Variants in GALP observed in about 807,000 individuals in gnomAD.
GALP encodes galanin-like peptide.
GALP carries 12 observed loss-of-function variants against 15.2 expected under a neutral mutation model. The observed-to-expected ratio is 0.79, with a 90% CI of 0.51 to 1.28. The LOEUF (loss-of-function observed/expected upper bound fraction) is 1.28, where lower values mean the gene tolerates loss of function less well. Ranked by LOEUF, GALP falls within the 50% of genes most tolerant of loss-of-function variation. The pLI is 0.00. For missense variants in GALP, 161 were observed against 145.6 expected (o/e 1.11, Z -0.55); for synonymous variants, 58 against 55.1 (o/e 1.05, Z -0.23).
At chr19:56,184,976 G>A (rs1018002460) in intron 5 of GALP, among the ~76,000 whole-genome samples, 2 of 152,132 alleles carry the variant, frequency 1.3e-5, no homozygotes, top group African/African-American at 4.8e-5. Context: ...TAAAATGTGG[G>A]CGGAAAGGGA....
At chr19:56,181,150 A>G (rs2032560830) in intron 3 of GALP, among the ~76,000 whole-genome samples, 2 of 150,006 alleles carry the variant, frequency 1.3e-5, no homozygotes, top group South Asian at 4.2e-4. Flanking sequence ...CTGGTCTCGA[A>G]CTCCTGACCT....
chr19:56,178,472 C>CA (rs1405309143), intron 2 of GALP, among the ~76,000 whole-genome samples: 1 of 80,246 alleles, frequency 1.2e-5, no homozygotes, highest in East Asian at 3.3e-4. Flanking sequence ...CAAACAAAAA[C>CA]AAAAACAAGA....
chr19:56,179,304 CTT>C lies in GALP; in HGVS notation c.88-1280_88-1279del, dbSNP rs1290883613. Among the ~76,000 whole-genome samples, 4 of 127,256 alleles carry C rather than the reference CTT, an allele frequency of 3.1e-5. No homozygotes were observed. The East Asian group carries it at 7.9e-4, about 25-fold the overall frequency. The allele number at this position is 127,256 out of a possible 152,430, so 83.5% of individuals were successfully genotyped here. On this transcript the variant is annotated intron_variant, in intron 2 of 5. Coordinates refer to ENST00000357330, the MANE Select transcript of GALP (RefSeq NM_033106.4). ...GAATCTTTCTGGGCCTCAAGAGCCTCTTTCTTTCTTTTTTTTTTTTTGAGACG... is the reference window on the plus strand; with the variant it reads ...GAATCTTTCTGGGCCTCAAGAGCCTCTCTTTCTTTTTTTTTTTTTGAGACG...
At chr19:56,178,964 C>T (rs958120566) in intron 2 of GALP, among the ~76,000 whole-genome samples, 1 of 152,180 alleles carries the variant, frequency 6.6e-6, no homozygotes, top group East Asian at 1.9e-4. Context: ...CACCTGAGGT[C>T]AGGAGTTTGA....
chr19:56,176,093 C>T (rs34947076), intron 1 of GALP, 31 bp downstream of exon 1: 19,903 of 144,254 alleles, frequency 0.14, 1,240 homozygotes, highest in Non-Finnish European at 0.15. Flanking sequence ...GGCAGAGGGG[C>T]GGATCCCAGC....
At position 56,182,021 on chromosome 19, in the gene GALP, C is replaced by T. The variant is rs563707497; in HGVS notation, c.137-151C>T. The T allele has an allele frequency of 5.4e-4, 343 of 629,682 alleles. 9 individuals are homozygous for T. In the South Asian group the frequency reaches 6.2e-3, roughly 11 times the overall value. The allele number at this position is 629,682 out of a possible 1,614,324, so 39.0% of individuals were successfully genotyped here. On this transcript the variant is annotated intron_variant, in intron 3 of 5. Transcript: ENST00000357330. ...GCTTGCAGCTGCACGATTTCCCCAC[C>T]GGTAGGTAGGGACGGTCAACACGCA...
At chr19:56,180,187 A>AATCC (rs2032539085) in intron 2 of GALP, among the ~76,000 whole-genome samples, 1 of 152,232 alleles carries the variant, frequency 6.6e-6, no homozygotes, top group Non-Finnish European at 1.5e-5. Flanking sequence ...TGCTGGGATT[A>AATCC]CAGCATGAGC....
chr19:56,176,955 C>CATTA, intron 1 of GALP, 115 bp from the exon 2 acceptor site: 1 of 590,982 alleles, frequency 1.7e-6, no homozygotes, highest in Non-Finnish European at 3.0e-6. Context: ...TAAATGTGCG[C>CATTA]CATTTTTGTA....
At chr19:56,179,777 T>C (rs946307850) in intron 2 of GALP, among the ~76,000 whole-genome samples, 3 of 151,668 alleles carry the variant, frequency 2.0e-5, no homozygotes, top group Non-Finnish European at 1.5e-5. Flanking sequence ...TGCGCCACCA[T>C]GCCTGGCTAA....
At chr19:56,177,339 T>A (rs559060541) in intron 2 of GALP, 144 bp downstream of exon 2, 15 of 698,662 alleles carry the variant, frequency 2.1e-5, no homozygotes, top group Non-Finnish European at 3.7e-5. Context: ...AAATATTGCG[T>A]GTCTCTACTA....
Position 56,176,055 on chromosome 19 carries a change from G to A in GALP, c.-47G>A. On this transcript the variant is annotated 5_prime_UTR_variant, in exon 1 of 6. Coordinates refer to ENST00000357330, the MANE Select transcript of GALP (RefSeq NM_033106.4). ...AGAGAGCTGCGGAGAGCTGCCAGCT[G>A]CAGCGGGGTGAGAGCCTAGGCCAGG... is the stretch of plus-strand genomic sequence containing the variant. 1 of 176,598 alleles carries A rather than the reference G, an allele frequency of 5.7e-6. No individual in the cohort carries two copies. The highest frequency in any genetic ancestry group is 1.2e-5 in the Non-Finnish European group (1 of 83,472). The allele number at this position is 176,598 out of a possible 1,614,324, so 10.9% of individuals were successfully genotyped here.
intron 1 of GALP, 134 bp downstream of exon 1, chr19:56,176,196 A>C (rs35134141): frequency 6.2e-4 from 84 of 135,678 alleles, no homozygotes; most frequent in African/African-American, 1.4e-3. Context: ...AGAGGGGCGG[A>C]TGCCAGCTGC....
At chr19:56,181,327 T>C (rs1399032253) in intron 3 of GALP, among the ~76,000 whole-genome samples, 1 of 150,578 alleles carries the variant, frequency 6.6e-6, no homozygotes, top group African/African-American at 2.4e-5. Flanking sequence ...GAGTTATTAA[T>C]AGAACAATAG....
chr19:56,180,673 A>C, intron 3 of GALP, 39 bp downstream of exon 3: 2 of 1,578,028 alleles, frequency 1.3e-6, no homozygotes, highest in South Asian at 2.2e-5. Context: ...CCCTGGCCCG[A>C]GTCTGCCTGG....
chr19:56,176,185 C>T (rs569693567), intron 1 of GALP, 123 bp downstream of exon 1: 33 of 163,644 alleles, frequency 2.0e-4, no homozygotes, highest in African/African-American at 7.7e-4. Flanking sequence ...GCCAGGAGGG[C>T]AGAGGGGCGG....
rs188946112 is a variant in GALP, at chr19:56,177,443, G to A, written c.87+248G>A. 1.7e-3 allele frequency among the ~76,000 whole-genome samples: 256 copies of A among 151,310 alleles called. 1 individual carries two copies. Among genetic ancestry groups the A allele is most frequent in the African/African-American group, 5.8e-3 (239 of 41,146 alleles). ...GGAGAATCGCTTGAACCTGGCAGGC[G>A]GAGGTTGCAGCGAGCCGAGATTGTG... On this transcript the variant is annotated intron_variant, in intron 2 of 5. Coordinates refer to ENST00000357330, the MANE Select transcript of GALP (RefSeq NM_033106.4).
chr19:56,176,176 C>T (rs549897001), intron 1 of GALP, 114 bp downstream of exon 1: 1 of 167,990 alleles, frequency 6.0e-6, no homozygotes, highest in African/African-American at 2.5e-5. Context: ...AGAGCCTAGG[C>T]CAGGAGGGCA....
chr19:56,176,851 T>C (rs983492638), intron 1 of GALP, among the ~76,000 whole-genome samples: 3 of 129,604 alleles, frequency 2.3e-5, no homozygotes, highest in Non-Finnish European at 1.6e-5. Flanking sequence ...GCAGAAGGCA[T>C]GGGCGCTGGG....
chr19:56,183,125 T>C lies in GALP; in HGVS notation c.218-10T>C. The C allele has an allele frequency of 6.3e-7, 1 of 1,597,944 alleles. No homozygotes were observed. Among genetic ancestry groups the C allele is most frequent in the Non-Finnish European group, 8.6e-7 (1 of 1,165,332 alleles). On this transcript the variant is annotated splice_polypyrimidine_tract_variant and intron_variant, in intron 4 of 5. Transcript: ENST00000357330. Reference sequence around the variant, plus strand: ...GAACGTGTGTGTGAATGTTGTATTTTTGTTTCTAGACGGGCTCCCCTACTC... The same window carrying C: ...GAACGTGTGTGTGAATGTTGTATTTCTGTTTCTAGACGGGCTCCCCTACTC...
Sources: gnomAD v4.1 joint callset for allele counts (sites outside exome capture counted in the v4.1 genomes callset) on GRCh38, gnomAD v4.1.1 for gene constraint, MANE v1.5 for transcripts, NCBI Gene and HGNC (gene_info 2026-07-23, HGNC 2026-07-21) for gene names.